The following HOMER2 variants were observed in gnomAD, a reference collection of about 807,000 sequenced individuals.
The protein encoded by HOMER2 is homer protein homolog 2.
A neutral mutation model predicts 47.0 loss-of-function variants in HOMER2; 27 were observed. The ratio of observed to expected loss-of-function variants is 0.57; its 90% CI spans 0.42 to 0.79. The LOEUF (loss-of-function observed/expected upper bound fraction) is 0.79. Ranked by LOEUF, HOMER2 falls within the 30% of genes least tolerant of loss-of-function variation. HOMER2 has a pLI of 0.00. For missense variants in HOMER2, 443 were observed against 435.0 expected, an observed-to-expected ratio of 1.02 and a Z score of -0.16; for synonymous variants, 161 against 163.8, an observed-to-expected ratio of 0.98 and a Z score of 0.13.
chr15:82,897,521 CTT>C (rs1348022340), intron 1 of HOMER2, among the ~76,000 whole-genome samples: 1 of 152,196 alleles, frequency 6.6e-6, no homozygotes, highest in Admixed American at 6.5e-5. Flanking sequence ...ATCCCCTCCT[CTT>C]GAGTGTGGGT....
rs367955420 is a variant in HOMER2 at position 82,868,541 on chromosome 15, A to T, written c.295-4282T>A. Among the ~76,000 whole-genome samples the T allele has an allele frequency of 1.3e-3, 96 of 71,262 alleles. 6 individuals are homozygous for T. The highest frequency in any genetic ancestry group is 3.4e-3 in the African/African-American group (68 of 19,996). 46.8% of individuals were successfully genotyped at this position (71,262 alleles called of 152,430 possible). A position where few individuals can be genotyped will look rare whatever the true frequency, so the allele number is the denominator to read the frequency against. On this transcript the variant is annotated intron_variant, in intron 3 of 8. Coordinates refer to ENST00000450735, the MANE Select transcript of HOMER2 (RefSeq NM_004839.4). ...ATTTATTTTATATATATATATATAT[A>T]TTTTTTTTTTTTTTTTTCCCCTTTT...
chr15:82,907,602 A>C (rs2053326552), intron 1 of HOMER2, among the ~76,000 whole-genome samples: 1 of 152,194 alleles, frequency 6.6e-6, no homozygotes, highest in Non-Finnish European at 1.5e-5. Flanking sequence ...TACATAGTTG[A>C]ACTCAACATC....
At chr15:82,884,703 T>C (rs1417438609) in intron 2 of HOMER2, among the ~76,000 whole-genome samples, 2 of 78,918 alleles carry the variant, frequency 2.5e-5, no homozygotes, top group Non-Finnish European at 4.6e-5. Flanking sequence ...TGTCTGTTGT[T>C]GGTGTATAAG....
chr15:82,972,962 G>A (rs2030047626), intron 1 of HOMER2, among the ~76,000 whole-genome samples: 1 of 152,164 alleles, frequency 6.6e-6, no homozygotes, highest in African/African-American at 2.4e-5. Context: ...ATACCTCCAT[G>A]AGGTACAAAA....
rs978654690 is a variant in HOMER2 at position 82,903,116 on chromosome 15, T to C, written c.6-10275A>G. Among the ~76,000 whole-genome samples the C allele has an allele frequency of 5.9e-5, 9 of 152,336 alleles. No individual in the cohort carries two copies. The South Asian group carries it at 1.2e-3, about 21-fold the overall frequency. On this transcript the variant is annotated intron_variant, in intron 1 of 8. Transcript: ENST00000450735. ...TAGAGGGATCACTGTGGCACTTCTATTGAAGATGGGCTGAAGGGGGAAGAG... is the reference window on the plus strand; with the variant it reads ...TAGAGGGATCACTGTGGCACTTCTACTGAAGATGGGCTGAAGGGGGAAGAG...
At chr15:82,851,802 A>ATGTATT (rs1222885190) in intron 7 of HOMER2, among the ~76,000 whole-genome samples, 1 of 152,228 alleles carries the variant, frequency 6.6e-6, no homozygotes, top group East Asian at 1.9e-4. Flanking sequence ...AAAAAAGAAA[A>ATGTATT]TAAGTGGTTA....
downstream of HOMER2, chr15:82,847,194 C>T (rs924102574): frequency 2.0e-5 from 3 of 152,188 alleles, no homozygotes; most frequent in South Asian, 2.1e-4. Flanking sequence ...TCAGAATAAA[C>T]GAGGGCACGT....
chr15:82,861,944 T>G (rs1024229109), intron 4 of HOMER2, among the ~76,000 whole-genome samples: 1 of 150,788 alleles, frequency 6.6e-6, no homozygotes, highest in Non-Finnish European at 1.5e-5. Flanking sequence ...GAGGCAGAGG[T>G]TGCAGTGAGC....
chr15:82,851,466 T>C (rs1242794621), intron 7 of HOMER2, among the ~76,000 whole-genome samples: 1 of 152,220 alleles, frequency 6.6e-6, no homozygotes. Context: ...GTTTTTCCGA[T>C]TTCTGTTTTA....
chr15:82,907,012 A>T (rs116169158), intron 1 of HOMER2, among the ~76,000 whole-genome samples: 3,483 of 152,332 alleles, frequency 0.023, 139 homozygotes, highest in African/African-American at 0.081. Flanking sequence ...AAAAAAATTA[A>T]TGAATCCACT....
At chr15:82,895,885 G>A (rs1384513583) in intron 1 of HOMER2, among the ~76,000 whole-genome samples, 2 of 152,296 alleles carry the variant, frequency 1.3e-5, no homozygotes, top group East Asian at 3.9e-4. Context: ...AAGGGCCCAA[G>A]GGGCTCCATT....
intron 1 of HOMER2, among the ~76,000 whole-genome samples, chr15:82,952,322 G>A (rs1400569561): frequency 1.3e-5 from 2 of 152,166 alleles, no homozygotes; most frequent in East Asian, 3.9e-4. Flanking sequence ...CCGCGCCCAG[G>A]CCAGGGTGCC....
In HOMER2 at chr15:82,864,159, T is replaced by A. The variant is rs8033907; in HGVS notation, c.387+8A>T. The A allele has an allele frequency of 2.5e-6, 4 of 1,584,464 alleles. No individual in the cohort carries two copies. The East Asian group carries it at 9.0e-5, about 35-fold the overall frequency. ...CACTGGGATTTACTTCATAGACTAATGTCTTACTTGGGAATGATTACTTGA... is the reference window on the plus strand; with the variant it reads ...CACTGGGATTTACTTCATAGACTAAAGTCTTACTTGGGAATGATTACTTGA... On this transcript the variant is annotated splice_region_variant and intron_variant, in intron 4 of 8. Coordinates refer to ENST00000450735, the MANE Select transcript of HOMER2 (RefSeq NM_004839.4).
chr15:82,952,410 G>C, intron 1 of HOMER2, 121 bp downstream of exon 1: 2 of 692,486 alleles, frequency 2.9e-6, no homozygotes, highest in Non-Finnish European at 1.9e-6. Context: ...GTGTGCGCTC[G>C]CTCCGGCTTG....
chr15:82,920,144 G>A (rs1284144525), intron 1 of HOMER2, among the ~76,000 whole-genome samples: 4 of 152,084 alleles, frequency 2.6e-5, no homozygotes, highest in African/African-American at 9.7e-5. Context: ...CTTTTCACCA[G>A]ACTCCCAGGA....
intron 1 of HOMER2, among the ~76,000 whole-genome samples, chr15:82,940,844 A>C (rs2054250254): frequency 6.6e-6 from 1 of 151,786 alleles, no homozygotes; most frequent in Non-Finnish European, 1.5e-5. Flanking sequence ...GTGAGCTATG[A>C]TTGCACTGCA....
intron 1 of HOMER2, among the ~76,000 whole-genome samples, chr15:82,903,317 T>C (rs2053186270): frequency 6.6e-6 from 1 of 152,098 alleles, no homozygotes; most frequent in East Asian, 1.9e-4. Context: ...GCCACTCCAT[T>C]TTAACAAGTA....
At chr15:82,961,773 A>C (rs1369365145) in intron 1 of HOMER2, among the ~76,000 whole-genome samples, 5 of 152,032 alleles carry the variant, frequency 3.3e-5, no homozygotes, top group Admixed American at 1.3e-4. Flanking sequence ...AACCAACATA[A>C]GTTTTTGTTT....
chr15:82,896,206 G>A (rs1031379057), intron 1 of HOMER2, among the ~76,000 whole-genome samples: 1 of 152,114 alleles, frequency 6.6e-6, no homozygotes, highest in Non-Finnish European at 1.5e-5. Flanking sequence ...GCGGCCTGTG[G>A]TGGCCCAGCA....
Sources: allele counts gnomAD v4.1 joint callset (sites outside exome capture counted in the v4.1 genomes callset), GRCh38; gene constraint gnomAD v4.1.1; transcripts MANE v1.5; gene names NCBI Gene and HGNC (gene_info 2026-07-23, HGNC 2026-07-21).